Variants in CCDC86 observed in about 807,000 individuals in gnomAD.
CCDC86 encodes the protein coiled-coil domain containing 86.
In CCDC86, 28 loss-of-function variants were observed where a neutral mutation model predicts 36.7. That is an observed-to-expected ratio of 0.76 (90% CI 0.57 to 1.05). The LOEUF (loss-of-function observed/expected upper bound fraction) is 1.05, where lower values mean the gene tolerates loss of function less well. Among genes scored for constraint, CCDC86 ranks in the 50% least tolerant of loss-of-function variants. CCDC86 has a pLI of 0.00. For synonymous variants in CCDC86, 199 were observed against 203.4 expected, an observed-to-expected ratio of 0.98 and a Z score of 0.18; for missense variants, 453 against 470.2, an observed-to-expected ratio of 0.96 and a Z score of 0.34.
At chr11:60,849,842 C>T (rs1311070807) in intron 2 of CCDC86, 98 bp from the exon 3 acceptor site, 4 of 1,019,370 alleles carry the variant, frequency 3.9e-6, no homozygotes, top group Non-Finnish European at 6.0e-6. Context: ...CTTTCCCCTT[C>T]CTCCTGGGAA....
chr11:60,850,473 T>C lies in CCDC86; in HGVS notation c.*148T>C. 2 of 1,024,022 alleles carry C rather than the reference T, an allele frequency of 2.0e-6. No individual in the cohort carries two copies. The highest frequency in any genetic ancestry group is 5.3e-5 in the East Asian group (2 of 37,864). The allele number at this position is 1,024,022 out of a possible 1,614,324, so 63.4% of individuals were successfully genotyped here. A position where few individuals can be genotyped will look rare whatever the true frequency, so the allele number is the denominator to read the frequency against. On this transcript the variant is annotated 3_prime_UTR_variant, in exon 4 of 4. Coordinates refer to ENST00000227520, the MANE Select transcript of CCDC86 (RefSeq NM_024098.4). Reference sequence around the variant, plus strand: ...CCACCCCGACCGGGGCTCCTCGGCCTTTGAAGGCTTCCAGGCAGGTCTGTG... The same window carrying C: ...CCACCCCGACCGGGGCTCCTCGGCCCTTGAAGGCTTCCAGGCAGGTCTGTG...
intron 1 of CCDC86, chr11:60,847,452 A>C (rs1353065113): frequency 6.5e-6 from 1 of 152,876 alleles, no homozygotes; most frequent in Non-Finnish European, 1.5e-5. Context: ...TTAACCACTC[A>C]CACTGTTCTG....
Position 60,842,583 on chromosome 11 carries a change from G to A in CCDC86, c.459G>A (p.Gln153=), listed in dbSNP as rs2074421. 5.6e-6 allele frequency: 9 copies of A among 1,613,272 alleles called. No individual in the cohort carries two copies. In the East Asian group the frequency reaches 2.0e-4, roughly 36 times the overall value. The change falls in exon 1 of 4, where the codon CAG becomes CAA. Residue 153 remains glutamine (Q), a synonymous_variant. Coordinates refer to ENST00000227520, the MANE Select transcript of CCDC86 (RefSeq NM_024098.4). ...TGACCCCGGGGGCCCCCCAGCATCA[G>A]CTACCGCCGGTCCCAGGATCACCAG... ...EELTPGAPQH[Q]LPPVPGSPEP... is the part of the protein sequence containing the mutation.
intron 1 of CCDC86, 187 bp from the exon 2 acceptor site, chr11:60,847,737 C>T (rs1205238560): frequency 2.0e-5 from 12 of 605,574 alleles, no homozygotes; most frequent in Non-Finnish European, 2.5e-5. Flanking sequence ...AAATGGCAGC[C>T]AGCACGATCA....
rs568030444 is a variant in CCDC86, at chr11:60,845,396, G to A, written c.758+2514G>A. ...TGAACACAGACATAGGCGGGCAGGG[G>A]TGAAGGCAGGAAAACCCACAAGGAG... On this transcript the variant is annotated intron_variant, in intron 1 of 3. Coordinates refer to ENST00000227520, the MANE Select transcript of CCDC86 (RefSeq NM_024098.4). Among the ~76,000 whole-genome samples the A allele has an allele frequency of 7.9e-5, 12 of 152,334 alleles. No individual in the cohort carries two copies. The East Asian group carries it at 2.1e-3, about 27-fold the overall frequency.
rs536470665 is a variant in CCDC86 at position 60,847,856 on chromosome 11, G to A, written c.759-68G>A. ...GGAAGAAGGTCCAGAGCCTCCGGCCGAGAGGAGACAGGGCATGGGTGGCGC... is the reference window on the plus strand; with the variant it reads ...GGAAGAAGGTCCAGAGCCTCCGGCCAAGAGGAGACAGGGCATGGGTGGCGC... On this transcript the variant is annotated intron_variant, in intron 1 of 3. Transcript: ENST00000227520. The A allele has an allele frequency of 3.9e-4, 588 of 1,504,188 alleles. 7 individuals carry two copies. In the East Asian group the frequency reaches 0.014, roughly 36 times the overall value. The allele number at this position is 1,504,188 out of a possible 1,614,324, so 93.2% of individuals were successfully genotyped here.
rs752709159 is a variant in CCDC86, at chr11:60,850,280, C to T, written c.1038C>T (p.Ala346=). The change falls in exon 4 of 4, where the codon GCC becomes GCT. Residue 346 remains alanine (A), a synonymous_variant. Transcript: ENST00000227520. ...LRSIEKRDTL[A]LLQKQPPQQP... ...CCATTGAGAAGCGGGACACCCTGGC[C>T]CTGCTGCAGAAGCAGCCGCCCCAGC... 2.5e-5 allele frequency: 41 copies of T among 1,614,056 alleles called. No homozygotes were observed. Among genetic ancestry groups the T allele is most frequent in the Middle Eastern group, 3.3e-4 (2 of 6,084 alleles).
chr11:60,849,864 C>T (rs973344021), intron 2 of CCDC86, 76 bp from the exon 3 acceptor site: 5 of 1,265,180 alleles, frequency 4.0e-6, no homozygotes, highest in Admixed American at 1.9e-5. Flanking sequence ...TCTGCCCGCT[C>T]GCACTCTTCT....
At chr11:60,848,751 C>T (rs946716633) in intron 2 of CCDC86, among the ~76,000 whole-genome samples, 6 of 152,066 alleles carry the variant, frequency 3.9e-5, no homozygotes, top group African/African-American at 1.4e-4. Flanking sequence ...GGAGGAGTGC[C>T]GAACGGGATT....
At position 60,842,293 on chromosome 11, in the gene CCDC86, G is replaced by A. The variant is rs989398854; in HGVS notation, c.169G>A (p.Gly57Arg). 6.2e-7 allele frequency: 1 copy of A among 1,613,582 alleles called. No individual in the cohort carries two copies. Among genetic ancestry groups the A allele is most frequent in the Admixed American group, 1.7e-5 (1 of 60,012 alleles). The stretch of plus-strand genomic sequence containing the variant: ...TCCGAGTGTGCAGCGGGCTGGCCTG[G>A]GGTCCCCCGAAAGGCCGCCGAAGAC... ...SPPSVQRAGL[G>R]SPERPPKTSP... The change falls in exon 1 of 4, where the codon GGG becomes AGG. Residue 57 changes from glycine to arginine, a missense_variant. By Grantham distance (125) the Gly-to-Arg change is moderately radical. Coordinates refer to ENST00000227520, the MANE Select transcript of CCDC86 (RefSeq NM_024098.4).
intron 2 of CCDC86, among the ~76,000 whole-genome samples, chr11:60,848,895 C>T (rs1318681180): frequency 6.6e-6 from 1 of 152,178 alleles, no homozygotes; most frequent in Non-Finnish European, 1.5e-5. Context: ...AACAGTGTGT[C>T]CGCCACCATA....
intron 1 of CCDC86, among the ~76,000 whole-genome samples, chr11:60,846,738 C>T (rs1855187603): frequency 6.6e-6 from 1 of 152,054 alleles, no homozygotes; most frequent in Non-Finnish European, 1.5e-5. Flanking sequence ...CCACACCCAG[C>T]TAATTTTGTA....
At position 60,847,929 on chromosome 11, in the gene CCDC86, C is replaced by T; in HGVS notation, c.764C>T (p.Ser255Phe). The T allele has an allele frequency of 2.5e-6, 4 of 1,611,426 alleles. No homozygotes were observed. Among genetic ancestry groups the T allele is most frequent in the Non-Finnish European group, 3.4e-6 (4 of 1,178,404 alleles). ...ACCCACTCTCCCCCTTTCAGATTCT[C>T]CCAGATGCTTCAGGACAAGCCCCTG... ...VWKDRSKKRF[S>F]QMLQDKPLRT... The change falls in exon 2 of 4, where the codon TCC becomes TTC. Residue 255 changes from serine to phenylalanine, a missense_variant. Ser to Phe is a radical substitution (Grantham distance 155, BLOSUM62 -2). Coordinates refer to ENST00000227520, the MANE Select transcript of CCDC86 (RefSeq NM_024098.4).
chr11:60,842,389 G>A lies in CCDC86; in HGVS notation c.265G>A (p.Ala89Thr). 1.9e-6 allele frequency: 3 copies of A among 1,613,400 alleles called. No individual in the cohort carries two copies. The highest frequency in any genetic ancestry group is 2.5e-6 in the Non-Finnish European group (3 of 1,179,872). The change falls in exon 1 of 4, where the codon GCA becomes ACA. Residue 89 changes from alanine to threonine, a missense_variant. Physicochemically the swap from Ala to Thr is moderately conservative, Grantham distance 58. Transcript: ENST00000227520. ...ACCCCAAGGGCAGCCAGAGCCAGGCGCAGCGTCCCCCCAGCGTCAGCAAGA... is the reference window on the plus strand; with the variant it reads ...ACCCCAAGGGCAGCCAGAGCCAGGCACAGCGTCCCCCCAGCGTCAGCAAGA... Reference protein sequence around the residue: ...ESPQGQPEPGAASPQRQQDLH... With the variant: ...ESPQGQPEPGTASPQRQQDLH...
chr11:60,850,257 A>G lies in CCDC86; in HGVS notation c.1015A>G (p.Ile339Val), dbSNP rs1855243186. Residue 339 changes from isoleucine to valine, a missense_variant, in exon 4 of 4, where the codon ATT becomes GTT. Physicochemically the swap from Ile to Val is conservative, Grantham distance 29. Transcript: ENST00000227520. ...GGCAAAGAAGAAGCAGCTGCGCTCC[A>G]TTGAGAAGCGGGACACCCTGGCCCT... Reference protein sequence around the residue: ...KRAKKKQLRSIEKRDTLALLQ... With the variant: ...KRAKKKQLRSVEKRDTLALLQ... 5.0e-6 allele frequency: 8 copies of G among 1,614,190 alleles called. No individual in the cohort carries two copies. Among genetic ancestry groups the G allele is most frequent in the Non-Finnish European group, 5.9e-6 (7 of 1,180,026 alleles).
In CCDC86 at chr11:60,842,204, GGACGA is replaced by G. The variant is rs1855126965; in HGVS notation, c.85_89del (p.Arg29GlyfsTer82). The G allele has an allele frequency of 6.2e-7, 1 of 1,613,144 alleles. No homozygotes were observed. The highest frequency in any genetic ancestry group is 1.3e-5 in the African/African-American group (1 of 74,916). ...CCCGAGAGCCTCACCTCAGTTTCGC[GGACGA>G]GACGGGCCCTTGTGGAGTTCGAGTC... On this transcript the variant is annotated frameshift_variant, in exon 1 of 4. Coordinates refer to ENST00000227520, the MANE Select transcript of CCDC86 (RefSeq NM_024098.4). LOFTEE classifies it high-confidence loss of function.
chr11:60,849,909 G>T, intron 2 of CCDC86, 31 bp from the exon 3 acceptor site: 1 of 1,600,514 alleles, frequency 6.2e-7, no homozygotes, highest in South Asian at 1.1e-5. Context: ...TCTGCTCCCC[G>T]ACTCAAATCC....
intron 1 of CCDC86, 107 bp downstream of exon 1, chr11:60,842,989 A>C: frequency 5.8e-6 from 8 of 1,380,168 alleles, no homozygotes; most frequent in Non-Finnish European, 6.7e-6. Flanking sequence ...GAGAGAGCTC[A>C]CGTTAGTGGG....
At chr11:60,849,897 C>T (rs1467539945) in intron 2 of CCDC86, 43 bp from the exon 3 acceptor site, 4 of 1,550,846 alleles carry the variant, frequency 2.6e-6, no homozygotes, top group Admixed American at 1.7e-5. Context: ...ACCAGGGCTG[C>T]CTCTGCTCCC....
Sources: allele counts gnomAD v4.1 joint callset (sites outside exome capture counted in the v4.1 genomes callset), GRCh38; gene constraint gnomAD v4.1.1; transcripts MANE v1.5; gene names NCBI Gene and HGNC (gene_info 2026-07-23, HGNC 2026-07-21).